The following PLAGL1 variants were observed in gnomAD, a reference collection of about 807,000 sequenced individuals.
PLAGL1 encodes PLAG1 like zinc finger 1, also known as zinc finger protein PLAGL1.
PLAGL1 carries 1 observed loss-of-function variant against 4.6 expected under a neutral mutation model. The ratio of observed to expected loss-of-function variants is 0.22; its 90% confidence interval spans 0.08 to 1.03. The LOEUF (loss-of-function observed/expected upper bound fraction) is 1.03. Ranked by LOEUF, PLAGL1 falls within the 50% of genes least tolerant of loss-of-function variation. The pLI, the probability that PLAGL1 is intolerant of heterozygous loss-of-function variation, is 0.58. For missense variants in PLAGL1, 464 were observed against 570.4 expected (o/e 0.81, Z 1.90); for synonymous variants, 240 against 237.8 (o/e 1.01, Z -0.08).
rs71024883 is a variant in PLAGL1 at position 143,987,437 on chromosome 6, C to CTTTTTTTTTT, written c.-583-2273_-583-2264dup. On this transcript the variant is annotated intron_variant, in intron 1 of 7. Transcript: ENST00000674357. ...GATCTGGCATGTGCCACCACACTGG[C>CTTTTTTTTTT]TTTTTTTTTTTTTTTTTTTTTTTGG... Among the ~76,000 whole-genome samples the CTTTTTTTTTT allele has an allele frequency of 1.9e-3, 142 of 73,942 alleles. 18 individuals are homozygous for CTTTTTTTTTT. Among genetic ancestry groups the CTTTTTTTTTT allele is most frequent in the East Asian group, 3.3e-3 (7 of 2,120 alleles). The allele number at this position is 73,942 out of a possible 152,430, so 48.5% of individuals were successfully genotyped here.
intron 1 of PLAGL1, among the ~76,000 whole-genome samples, chr6:144,029,208 T>C (rs1052537073): frequency 7.2e-5 from 11 of 152,216 alleles, no homozygotes; most frequent in Admixed American, 7.2e-4. Context: ...ATATAAATCT[T>C]TCAACATATT....
At position 144,053,043 on chromosome 6, in the gene PLAGL1, T is replaced by G. The variant is rs1368386006; in HGVS notation, c.-151+11425A>C. On this transcript the variant is annotated intron_variant, in intron 1 of 3. Transcript: ENST00000437412. The surrounding 1 kb of genome is among the most constrained non-coding windows in gnomAD (Gnocchi z 4.0). ...GGTTAGCACCAATACTTGTAAATGC[T>G]TTGATAAACAAGGATGAAATTATTT... Among the ~76,000 whole-genome samples the G allele has an allele frequency of 6.6e-6, 1 of 152,218 alleles. No individual in the cohort carries two copies. Among genetic ancestry groups the G allele is most frequent in the Non-Finnish European group, 1.5e-5 (1 of 68,044 alleles).
upstream of PLAGL1, among the ~76,000 whole-genome samples, chr6:144,012,123 A>G (rs574514330): frequency 1.5e-4 from 23 of 152,250 alleles, no homozygotes; most frequent in African/African-American, 5.3e-4. This position sits in a 1 kb window ranked among gnomAD's most constrained non-coding sequence, Gnocchi z 4.8. Context: ...TTTGCTATCA[A>G]TTCTCAAATT....
At chr6:144,041,435 T>C (rs935112191) in intron 1 of PLAGL1, among the ~76,000 whole-genome samples, 8 of 152,220 alleles carry the variant, frequency 5.3e-5, no homozygotes, top group African/African-American at 1.9e-4. Context: ...ATGCGGTGTT[T>C]GGTTTTTTGT....
In PLAGL1 at chr6:143,947,836, A is replaced by G; in HGVS notation, c.152+149T>C. 1 of 618,194 alleles carries G rather than the reference A, an allele frequency of 1.6e-6. No homozygotes were observed. The highest frequency in any genetic ancestry group is 2.8e-6 in the Non-Finnish European group (1 of 353,912). The allele number at this position is 618,194 out of a possible 1,614,324, so 38.3% of individuals were successfully genotyped here. On this transcript the variant is annotated intron_variant, in intron 7 of 7. Transcript: ENST00000674357. This position sits in a 1 kb window ranked among gnomAD's most constrained non-coding sequence, Gnocchi z 4.3. The stretch of plus-strand genomic sequence containing the variant: ...CAAGACGGTCACATAAAACCACAGG[A>G]ATCACTGGATGCAGATTTCAAGAAT...
Position 144,001,186 on chromosome 6 carries a change from AAT to A in PLAGL1, c.-584+6902_-584+6903del, listed in dbSNP as rs1792788501. On this transcript the variant is annotated intron_variant, in intron 1 of 7. Transcript: ENST00000674357. The stretch of plus-strand genomic sequence containing the variant: ...AGTAAGGAAATGATAAAAAAAAAAA[AAT>A]AAAAATTTTTAATGGGGACATTTCA... Among the ~76,000 whole-genome samples the A allele has an allele frequency of 2.7e-5, 4 of 150,004 alleles. No individual in the cohort carries two copies. In the South Asian group the frequency reaches 8.4e-4, roughly 32 times the overall value.
chr6:143,981,061 C>T (rs1359432911), intron 2 of PLAGL1, among the ~76,000 whole-genome samples: 1 of 152,182 alleles, frequency 6.6e-6, no homozygotes, highest in Non-Finnish European at 1.5e-5. Flanking sequence ...CCCACATATC[C>T]TAAAATATTT....
At position 144,056,808 on chromosome 6, in the gene PLAGL1, G is replaced by T. The variant is rs1386799884; in HGVS notation, c.-151+7660C>A. Among the ~76,000 whole-genome samples the T allele has an allele frequency of 6.6e-6, 1 of 152,084 alleles. No homozygotes were observed. Among genetic ancestry groups the T allele is most frequent in the Admixed American group, 6.5e-5 (1 of 15,270 alleles). On this transcript the variant is annotated intron_variant, in intron 1 of 3. Coordinates refer to the PLAGL1 transcript ENST00000437412. This position sits in a 1 kb window ranked among gnomAD's most constrained non-coding sequence, Gnocchi z 4.7. ...GCCTCTCAGGTAGGTGGGATTACAG[G>T]TGTGTGCCACCATGCTAAGCTAATT... is the stretch of plus-strand genomic sequence containing the variant.
upstream of PLAGL1, among the ~76,000 whole-genome samples, chr6:144,010,994 C>G (rs150844801): frequency 6.9e-3 from 1,057 of 152,232 alleles, 9 homozygotes; most frequent in South Asian, 0.035. The surrounding 1 kb of genome is among the most constrained non-coding windows in gnomAD (Gnocchi z 4.1). Flanking sequence ...GACCTAAAAC[C>G]ATAAAAAGCC....
rs1243097994 is a variant in PLAGL1 at position 143,950,229 on chromosome 6, T to C, written c.-324-1769A>G. Among the ~76,000 whole-genome samples the C allele has an allele frequency of 6.6e-6, 1 of 152,178 alleles. No homozygotes were observed. Among genetic ancestry groups the C allele is most frequent in the Non-Finnish European group, 1.5e-5 (1 of 68,030 alleles). On this transcript the variant is annotated intron_variant, in intron 6 of 7. Transcript: ENST00000674357. The surrounding 1 kb of genome is among the most constrained non-coding windows in gnomAD (Gnocchi z 6.3). ...ACACCTTCTTTGTGACGGCTGTGAT[T>C]CTAGCAGCACACACAACCTCTGCAA...
At chr6:144,049,658 G>A (rs573234166) in intron 1 of PLAGL1, among the ~76,000 whole-genome samples, 82 of 152,246 alleles carry the variant, frequency 5.4e-4, no homozygotes, top group African/African-American at 1.9e-3. Flanking sequence ...GGGAAAACTG[G>A]CCCCATGATC....
At chr6:143,986,748 G>A (rs1284531723) in intron 1 of PLAGL1, among the ~76,000 whole-genome samples, 3 of 152,162 alleles carry the variant, frequency 2.0e-5, no homozygotes, top group Non-Finnish European at 4.4e-5. Flanking sequence ...TTTATGCATA[G>A]CTGTGACAGT....
chr6:144,028,557 T>G (rs1359071858), intron 1 of PLAGL1, among the ~76,000 whole-genome samples: 1 of 152,222 alleles, frequency 6.6e-6, no homozygotes, highest in Non-Finnish European at 1.5e-5. Flanking sequence ...AGTGCTAATT[T>G]TAGGGTATGG....
At chr6:143,980,670 G>A (rs770593112) in intron 2 of PLAGL1, among the ~76,000 whole-genome samples, 6 of 152,056 alleles carry the variant, frequency 3.9e-5, no homozygotes, top group Non-Finnish European at 8.8e-5. Context: ...TATTAGATGT[G>A]TGTCACTTCT....
At chr6:144,041,074 G>A (rs191586593) in intron 1 of PLAGL1, among the ~76,000 whole-genome samples, 278 of 152,228 alleles carry the variant, frequency 1.8e-3, no homozygotes, top group African/African-American at 6.4e-3. Flanking sequence ...CATATGAGCT[G>A]AGGGGTGAAG....
intron 2 of PLAGL1, among the ~76,000 whole-genome samples, chr6:143,976,565 A>C (rs572510994): frequency 1.4e-4 from 21 of 152,252 alleles, no homozygotes; most frequent in African/African-American, 4.6e-4. Flanking sequence ...ATCACTTGAA[A>C]TGTGCAATTT....
rs1780106465 is a variant in PLAGL1 at position 143,947,824 on chromosome 6, T to C, written c.152+161A>G. Among the ~76,000 whole-genome samples the C allele has an allele frequency of 6.6e-6, 1 of 152,212 alleles. No individual in the cohort carries two copies. The highest frequency in any genetic ancestry group is 2.1e-4 in the South Asian group (1 of 4,836). On this transcript the variant is annotated intron_variant, in intron 7 of 7. Transcript: ENST00000674357. This position sits in a 1 kb window ranked among gnomAD's most constrained non-coding sequence, Gnocchi z 4.3. ...GACACTGCACAACAAGACGGTCACA[T>C]AAAACCACAGGAATCACTGGATGCA...
In PLAGL1 at chr6:143,954,732, G is replaced by C. The variant is rs181854126; in HGVS notation, c.-325+5737C>G. Among the ~76,000 whole-genome samples the C allele has an allele frequency of 2.0e-5, 3 of 152,112 alleles. No individual in the cohort carries two copies. The highest frequency in any genetic ancestry group is 6.5e-5 in the Admixed American group (1 of 15,278). On this transcript the variant is annotated intron_variant, in intron 6 of 7. Coordinates refer to ENST00000674357, the MANE Select transcript of PLAGL1 (RefSeq NM_001317162.2). This position sits in a 1 kb window ranked among gnomAD's most constrained non-coding sequence, Gnocchi z 5.1. Reference sequence around the variant, plus strand: ...ATGTATTAGAAGTCATGGATAATACGATACAGTAAGACAATAAACTAATGA... The same window carrying C: ...ATGTATTAGAAGTCATGGATAATACCATACAGTAAGACAATAAACTAATGA...
chr6:144,026,980 G>A (rs2128703658), intron 1 of PLAGL1, among the ~76,000 whole-genome samples: 1 of 152,214 alleles, frequency 6.6e-6, no homozygotes, highest in South Asian at 2.1e-4. Context: ...GGAAGGCCGA[G>A]GCAGGAGGAT....
Sources: gnomAD v4.1 joint callset for allele counts (sites outside exome capture counted in the v4.1 genomes callset) on GRCh38, gnomAD v4.1.1 for gene constraint, Gnocchi (gnomAD v3.1) non-coding constraint, MANE v1.5 for transcripts, NCBI Gene and HGNC (gene_info 2026-07-23, HGNC 2026-07-21) for gene names.